The following SP100 variants were observed in gnomAD, a reference collection of about 807,000 sequenced individuals.
SP100 encodes the protein nuclear autoantigen Sp-100.
A neutral mutation model predicts 130.0 loss-of-function variants in SP100; 84 were observed. The ratio of observed to expected loss-of-function variants is 0.65; its 90% CI spans 0.54 to 0.77. SP100 has a LOEUF of 0.77. SP100 is among the 30% of genes least tolerant of loss of function. The probability of loss-of-function intolerance (pLI) is 0.00; values close to 1 mark genes in which losing one functional copy is unlikely to be tolerated. For missense variants in SP100, 978 were observed against 1,052.2 expected (o/e 0.93, Z 0.97); for synonymous variants, 331 against 351.7 (o/e 0.94, Z 0.66).
intron 24 of SP100, chr2:230,515,553 G>A: frequency 6.3e-7 from 1 of 1,599,140 alleles, no homozygotes; most frequent in Admixed American, 1.7e-5. Flanking sequence ...GAGTTGTCAA[G>A]GCTGAAAAAA....
At chr2:230,526,758 A>C (rs1691448133) in intron 24 of SP100, among the ~76,000 whole-genome samples, 1 of 152,234 alleles carries the variant, frequency 6.6e-6, no homozygotes, top group African/African-American at 2.4e-5. Context: ...AAACCATGGC[A>C]CGAGAACTTC....
chr2:230,451,538 G>A (rs1425767215), intron 8 of SP100, among the ~76,000 whole-genome samples: 2 of 152,158 alleles, frequency 1.3e-5, no homozygotes, highest in Admixed American at 1.3e-4. Flanking sequence ...ATGTATTTTG[G>A]ATAATAATCC....
At chr2:230,541,780 GGGGTTA>G (rs1692188978) in intron 27 of SP100, 106 bp from the exon 28 acceptor site, 1 of 1,151,340 alleles carries the variant, frequency 8.7e-7, no homozygotes, top group Admixed American at 2.5e-5. Flanking sequence ...CCTTCACAGG[GGGGTTA>G]GGATTTTGAC....
At chr2:230,428,218 ACT>A (rs1159735887) in intron 2 of SP100, among the ~76,000 whole-genome samples, 1 of 151,990 alleles carries the variant, frequency 6.6e-6, no homozygotes, top group African/African-American at 2.4e-5. Flanking sequence ...CAAAAGCAAG[ACT>A]CTGTCTCAAA....
At chr2:230,473,474 G>C in intron 16 of SP100, 34 bp downstream of exon 16, 1 of 1,293,336 alleles carries the variant, frequency 7.7e-7, no homozygotes, top group Non-Finnish European at 1.1e-6. Context: ...GATGGAAGTG[G>C]CTCAGTGGAT....
rs535502020 is a variant in SP100 at position 230,544,458 on chromosome 2, C to G, written c.*1512C>G. ...AAATTTACAAGACAAAAAGAAATAA[C>G]CCCATTAAAAAGTGGGCAAAGGACA... On this transcript the variant is annotated 3_prime_UTR_variant, in exon 29 of 29. Coordinates refer to ENST00000340126, the MANE Select transcript of SP100 (RefSeq NM_001080391.2). Among the ~76,000 whole-genome samples the G allele has an allele frequency of 4.6e-5, 7 of 151,566 alleles. 1 individual carries two copies. Among genetic ancestry groups the G allele is most frequent in the African/African-American group, 1.7e-4 (7 of 41,372 alleles).
At chr2:230,438,367 A>T (rs2063358563) in intron 2 of SP100, among the ~76,000 whole-genome samples, 1 of 151,964 alleles carries the variant, frequency 6.6e-6, no homozygotes, top group East Asian at 1.9e-4. Flanking sequence ...ATTTTGGTGC[A>T]TCTGTCACCC....
chr2:230,494,890 A>G (rs988211358), intron 18 of SP100, among the ~76,000 whole-genome samples: 2 of 152,248 alleles, frequency 1.3e-5, no homozygotes, highest in Admixed American at 6.5e-5. Flanking sequence ...AGGCTGAGAA[A>G]TATAACGCTG....
intron 24 of SP100, among the ~76,000 whole-genome samples, chr2:230,511,918 A>C (rs1227866593): frequency 1.3e-5 from 2 of 152,188 alleles, no homozygotes; most frequent in Non-Finnish European, 2.9e-5. Context: ...CCAGGCTAGA[A>C]TGCAGTGACA....
intron 24 of SP100, among the ~76,000 whole-genome samples, chr2:230,535,327 C>T (rs1691887242): frequency 6.6e-6 from 1 of 152,074 alleles, no homozygotes; most frequent in Non-Finnish European, 1.5e-5. Context: ...AGAGAGAAAA[C>T]GTCCAAGAAA....
Position 230,444,241 on chromosome 2 carries a change from G to A in SP100, c.334G>A (p.Glu112Lys). The A allele has an allele frequency of 1.9e-6, 3 of 1,612,978 alleles. No homozygotes were observed. Among genetic ancestry groups the A allele is most frequent in the Non-Finnish European group, 1.7e-6 (2 of 1,178,974 alleles). ...VQRVVYNVLS[E>K]LEKTFNLPVL... is the part of the protein sequence containing the mutation. ...GAGAGTGGTGTACAATGTTCTTAGTGAACTGGAGAAGACATTTAACCTGCC... is the reference window on the plus strand; with the variant it reads ...GAGAGTGGTGTACAATGTTCTTAGTAAACTGGAGAAGACATTTAACCTGCC... Residue 112 changes from glutamate to lysine, a missense_variant, in exon 4 of 29, where the codon GAA (glutamate) becomes AAA (lysine). By Grantham distance (56) the Glu-to-Lys change is moderately conservative. Transcript: ENST00000340126.
chr2:230,538,038 T>C (rs183710789), intron 24 of SP100: 12 of 152,338 alleles, frequency 7.9e-5, no homozygotes, highest in African/African-American at 1.9e-4. Context: ...TTCTCAACTA[T>C]TGACTGCACA....
rs34684038 is a variant in SP100 at position 230,535,906 on chromosome 2, CAAAAAAAAAAAAAAAA to C, written c.2095-3347_2095-3332del. Among the ~76,000 whole-genome samples, 148 of 47,604 alleles carry C rather than the reference CAAAAAAAAAAAAAAAA, an allele frequency of 3.1e-3. 3 individuals carry two copies. In the South Asian group the frequency reaches 0.09, roughly 29 times the overall value. 31.2% of individuals were successfully genotyped at this position (47,604 alleles called of 152,430 possible). On this transcript the variant is annotated intron_variant, in intron 24 of 28. Coordinates refer to ENST00000340126, the MANE Select transcript of SP100 (RefSeq NM_001080391.2). ...TGGGTGACAGAGCAAGACTCCATCT[CAAAAAAAAAAAAAAAA>C]AAAAAAAAAAAAAGAATATGTTTTC...
intron 2 of SP100, among the ~76,000 whole-genome samples, chr2:230,430,091 C>A (rs2063052646): frequency 6.6e-6 from 1 of 152,166 alleles, no homozygotes; most frequent in Non-Finnish European, 1.5e-5. Context: ...CTCTTCCAGG[C>A]TTTATAAGTT....
intron 19 of SP100, among the ~76,000 whole-genome samples, chr2:230,501,241 A>G (rs1265734578): frequency 1.3e-5 from 2 of 152,104 alleles, no homozygotes; most frequent in East Asian, 3.9e-4. Flanking sequence ...AGAGGGCAAG[A>G]CTCGGTCTCA....
intron 2 of SP100, among the ~76,000 whole-genome samples, chr2:230,419,548 T>G (rs771209856): frequency 6.6e-6 from 1 of 152,224 alleles, no homozygotes; most frequent in Non-Finnish European, 1.5e-5. Flanking sequence ...AAGGGCTTCC[T>G]TTAGGTGAAA....
chr2:230,441,841 C>T (rs1258449629), intron 2 of SP100, among the ~76,000 whole-genome samples: 2 of 152,152 alleles, frequency 1.3e-5, no homozygotes, highest in Admixed American at 6.5e-5. Flanking sequence ...TTGTTTCTTA[C>T]AAATTCTGTA....
rs753945267 is a variant in SP100, at chr2:230,542,899, A to C, written c.2611A>C (p.Ile871Leu). 1 of 1,611,722 alleles carries C rather than the reference A, an allele frequency of 6.2e-7. No homozygotes were observed. The highest frequency in any genetic ancestry group is 8.5e-7 in the Non-Finnish European group (1 of 1,177,866). ...CATCTTTGAGAAGAATTTCAGAAAC[A>C]TTTTTGCAATTCAGGAAACAAGCAA... The part of the protein sequence containing the change: ...QDIFEKNFRN[I>L]FAIQETSKNI... The change falls in exon 29 of 29, where the codon ATT (isoleucine) becomes CTT (leucine). Residue 871 changes from isoleucine to leucine, a missense_variant. By Grantham distance (5) the Ile-to-Leu change is conservative (BLOSUM62 2). Transcript: ENST00000340126.
intron 21 of SP100, among the ~76,000 whole-genome samples, chr2:230,505,167 C>T (rs1362094138): frequency 6.6e-6 from 1 of 152,078 alleles, no homozygotes; most frequent in East Asian, 1.9e-4. Flanking sequence ...AGTCTCAGGC[C>T]CACTCTGTTA....
Sources: gnomAD v4.1 joint callset for allele counts (sites outside exome capture counted in the v4.1 genomes callset) on GRCh38, gnomAD v4.1.1 for gene constraint, MANE v1.5 for transcripts, NCBI Gene and HGNC (gene_info 2026-07-23, HGNC 2026-07-21) for gene names.